The following CACNA1E variants were observed in gnomAD, a reference collection of about 807,000 sequenced individuals.
CACNA1E encodes calcium voltage-gated channel subunit alpha1 E, also known as voltage-dependent R-type calcium channel subunit alpha-1E.
A neutral mutation model predicts 259.2 loss-of-function variants in CACNA1E; 40 were observed. That is an observed-to-expected ratio of 0.15 (90% CI 0.12 to 0.20). CACNA1E has a LOEUF of 0.20. Among genes scored for constraint, CACNA1E ranks in the 10% least tolerant of loss-of-function variants. The pLI, the probability that CACNA1E is intolerant of heterozygous loss-of-function variation, is 1.00. For missense variants in CACNA1E, 1,874 were observed against 3,040.1 expected, an observed-to-expected ratio of 0.62 and a Z score of 9.02; for synonymous variants, 1,104 against 1,138.5, an observed-to-expected ratio of 0.97 and a Z score of 0.61.
chr1:181,626,015 G>A (rs908769705), intron 6 of CACNA1E, among the ~76,000 whole-genome samples: 2 of 152,116 alleles, frequency 1.3e-5, no homozygotes, highest in Non-Finnish European at 2.9e-5. Context: ...AGAAATGGGG[G>A]AATGAATGGC....
intron 1 of CACNA1E, among the ~76,000 whole-genome samples, chr1:181,337,331 A>AC (rs72036477): frequency 1.3e-5 from 2 of 150,424 alleles, no homozygotes; most frequent in African/African-American, 4.9e-5. Context: ...AATTTTTTGT[A>AC]TTTTTTTTTA....
At chr1:181,462,588 A>G (rs1267398239) in intron 2 of CACNA1E, among the ~76,000 whole-genome samples, 2 of 152,192 alleles carry the variant, frequency 1.3e-5, no homozygotes, top group African/African-American at 2.4e-5. Context: ...AATAAATACA[A>G]TGTTACAGAT....
At chr1:181,697,976 T>C (rs559278377) in intron 7 of CACNA1E, among the ~76,000 whole-genome samples, 1 of 152,314 alleles carries the variant, frequency 6.6e-6, no homozygotes, top group East Asian at 1.9e-4. Context: ...GCTGGAAGCT[T>C]CCACCCTCGT....
intron 7 of CACNA1E, among the ~76,000 whole-genome samples, chr1:181,708,580 G>T (rs988713853): frequency 6.6e-6 from 1 of 152,190 alleles, no homozygotes; most frequent in African/African-American, 2.4e-5. Flanking sequence ...CCCCAGGGTT[G>T]AGAAATCAAG....
intron 6 of CACNA1E, among the ~76,000 whole-genome samples, chr1:181,630,384 G>GCCCCCCCCCCC (rs371364830): frequency 3.4e-5 from 5 of 145,046 alleles, no homozygotes; most frequent in Non-Finnish European, 7.6e-5. Flanking sequence ...TAATTAACAT[G>GCCCCCCCCCCC]CCCCCCCACC....
chr1:181,730,810 TACTCAGCA>T (rs1655401587), intron 18 of CACNA1E, among the ~76,000 whole-genome samples: 1 of 152,196 alleles, frequency 6.6e-6, no homozygotes, highest in Admixed American at 6.5e-5. Context: ...GGAAGAAAAC[TACTCAGCA>T]ACATCTACAG....
intron 7 of CACNA1E, among the ~76,000 whole-genome samples, chr1:181,695,714 C>G (rs1029994916): frequency 6.6e-6 from 1 of 152,184 alleles, no homozygotes; most frequent in African/African-American, 2.4e-5. Flanking sequence ...TGTAATCCCA[C>G]TTTGGGAGGC....
intron 18 of CACNA1E, among the ~76,000 whole-genome samples, chr1:181,728,415 A>G (rs1409008369): frequency 1.3e-5 from 2 of 152,216 alleles, no homozygotes; most frequent in African/African-American, 4.8e-5. Flanking sequence ...ACGTGCTGCA[A>G]ACATCCAAGA....
intron 3 of CACNA1E, among the ~76,000 whole-genome samples, chr1:181,570,854 T>G (rs1650338176): frequency 6.6e-6 from 1 of 152,210 alleles, no homozygotes; most frequent in Non-Finnish European, 1.5e-5. Flanking sequence ...CAAAGTCCCT[T>G]TTGCCATAAC....
intron 7 of CACNA1E, among the ~76,000 whole-genome samples, chr1:181,693,337 C>T (rs553033948): frequency 6.6e-6 from 1 of 151,912 alleles, no homozygotes; most frequent in African/African-American, 2.4e-5. Context: ...TTGTTCTACC[C>T]AAATGACACA....
chr1:181,794,022 C>T (rs191841430), intron 45 of CACNA1E, among the ~76,000 whole-genome samples: 1 of 152,136 alleles, frequency 6.6e-6, no homozygotes, highest in African/African-American at 2.4e-5. Context: ...TCACTCCGGA[C>T]GGGTTAAACA....
intron 36 of CACNA1E, 65 bp downstream of exon 36, chr1:181,771,449 C>T: frequency 2.4e-6 from 2 of 832,092 alleles, no homozygotes; most frequent in African/African-American, 1.7e-5. Context: ...GTTTGTCTGC[C>T]TCTTCCTCCC....
At chr1:181,480,273 A>G (rs1361087583), upstream of CACNA1E, among the ~76,000 whole-genome samples, 1 of 152,162 alleles carries the variant, frequency 6.6e-6, no homozygotes, top group Admixed American at 6.5e-5. Flanking sequence ...TCCTGCTAGC[A>G]CTGCTGCCCT....
chr1:181,503,025 G>A (rs992161772), intron 1 of CACNA1E, among the ~76,000 whole-genome samples: 4 of 152,194 alleles, frequency 2.6e-5, no homozygotes, highest in Non-Finnish European at 4.4e-5. Context: ...AACAGGGCTG[G>A]TTTGAATTTT....
chr1:181,447,070 G>C (rs1660834651), intron 2 of CACNA1E, among the ~76,000 whole-genome samples: 1 of 152,120 alleles, frequency 6.6e-6, no homozygotes, highest in Middle Eastern at 3.2e-3. Flanking sequence ...GTACCTCATT[G>C]CACAAGCTGC....
intron 1 of CACNA1E, among the ~76,000 whole-genome samples, chr1:181,505,798 G>A (rs1221545777): frequency 6.6e-6 from 1 of 152,164 alleles, no homozygotes; most frequent in Non-Finnish European, 1.5e-5. Context: ...ACAGTGTGGA[G>A]AGTGTGGGTA....
intron 1 of CACNA1E, among the ~76,000 whole-genome samples, chr1:181,341,293 T>A (rs1312831236): frequency 6.6e-6 from 1 of 152,188 alleles, no homozygotes; most frequent in Non-Finnish European, 1.5e-5. Context: ...TGAGGTCTGG[T>A]GCTGGCTTCT....
intron 1 of CACNA1E, among the ~76,000 whole-genome samples, chr1:181,392,140 T>C (rs1386082980): frequency 6.6e-6 from 1 of 152,158 alleles, no homozygotes; most frequent in Non-Finnish European, 1.5e-5. Context: ...GTTTGGTACC[T>C]CCAGAATACA....
At chr1:181,512,429 G>A (rs1666240152) in intron 3 of CACNA1E, among the ~76,000 whole-genome samples, 1 of 152,132 alleles carries the variant, frequency 6.6e-6, no homozygotes, top group Non-Finnish European at 1.5e-5. Context: ...AAGAAAAGAA[G>A]AGAGTGACTT....
Sources: allele counts gnomAD v4.1 joint callset (sites outside exome capture counted in the v4.1 genomes callset), GRCh38; gene constraint gnomAD v4.1.1; transcripts MANE v1.5; gene names NCBI Gene and HGNC (gene_info 2026-07-23, HGNC 2026-07-21).